The following CERS6 variants were observed in gnomAD, a reference collection of about 807,000 sequenced individuals.
CERS6 encodes the protein ceramide synthase 6, also known as LAG1 homolog, ceramide synthase 6.
Under a neutral mutation model 56.8 loss-of-function variants are expected in CERS6, and 26 were observed. The ratio of observed to expected loss-of-function variants is 0.46; its 90% CI spans 0.34 to 0.63. The LOEUF is 0.63. Ranked by LOEUF, CERS6 falls within the 30% of genes least tolerant of loss-of-function variation. CERS6 has a pLI of 0.01. For synonymous variants in CERS6, 164 were observed against 173.3 expected, an observed-to-expected ratio of 0.95 and a Z score of 0.42; for missense variants, 415 against 467.5, an observed-to-expected ratio of 0.89 and a Z score of 1.04.
intron 4 of CERS6, among the ~76,000 whole-genome samples, chr2:168,670,387 C>G (rs563053308): frequency 1.3e-5 from 2 of 152,246 alleles, no homozygotes; most frequent in African/African-American, 4.8e-5. Flanking sequence ...GTCTAATTAT[C>G]CCCATCCCAG....
intron 8 of CERS6, among the ~76,000 whole-genome samples, chr2:168,759,780 C>T (rs1000733709): frequency 3.9e-5 from 6 of 151,952 alleles, no homozygotes; most frequent in Admixed American, 1.3e-4. Flanking sequence ...TTTTGTGAAG[C>T]AAAAACAAAG....
intron 1 of CERS6, among the ~76,000 whole-genome samples, chr2:168,535,475 G>T (rs1034980061): frequency 1.3e-5 from 2 of 151,998 alleles, no homozygotes; most frequent in East Asian, 3.9e-4. Context: ...CAGGTGGGCC[G>T]CCATACCACA....
rs557762328 is a variant in CERS6 at position 168,669,220 on chromosome 2, C to G, written c.466-21814C>G. 3.3e-5 allele frequency among the ~76,000 whole-genome samples: 5 copies of G among 152,338 alleles called. No individual in the cohort carries two copies. The East Asian group carries it at 9.6e-4, about 29-fold the overall frequency. ...CAGCTTCTATCTTCCAGATTATTTC[C>G]TGGTGCAAGATGGCTGCTGGAACTC... On this transcript the variant is annotated intron_variant, in intron 4 of 9. Transcript: ENST00000305747.
intron 4 of CERS6, among the ~76,000 whole-genome samples, chr2:168,661,933 G>A (rs1043668604): frequency 3.3e-5 from 5 of 152,174 alleles, no homozygotes; most frequent in Admixed American, 3.3e-4. Context: ...ATAATTTTTA[G>A]ACAATTTATA....
At chr2:168,675,119 G>A (rs1399846012) in intron 4 of CERS6, among the ~76,000 whole-genome samples, 5 of 151,954 alleles carry the variant, frequency 3.3e-5, no homozygotes, top group South Asian at 2.1e-4. Flanking sequence ...GACTACAGGC[G>A]CACACCACCA....
At chr2:168,586,889 G>T (rs1240444064) in intron 3 of CERS6, among the ~76,000 whole-genome samples, 1 of 152,160 alleles carries the variant, frequency 6.6e-6, no homozygotes, top group Non-Finnish European at 1.5e-5. Flanking sequence ...TGTTTATTGA[G>T]GTCAGGCATG....
chr2:168,571,232 T>C (rs754060386), intron 3 of CERS6, among the ~76,000 whole-genome samples: 1 of 152,040 alleles, frequency 6.6e-6, no homozygotes, highest in Non-Finnish European at 1.5e-5. Flanking sequence ...CCCATTGTTA[T>C]AGGGGTAGGT....
intron 6 of CERS6, 50 bp downstream of exon 6, chr2:168,695,101 C>G (rs766034060): frequency 1.4e-6 from 2 of 1,452,508 alleles, no homozygotes; most frequent in Non-Finnish European, 1.9e-6. Flanking sequence ...TCTTTAATGG[C>G]CCTTAGCAGG....
At chr2:168,646,108 A>G (rs1443505803) in intron 4 of CERS6, among the ~76,000 whole-genome samples, 1 of 152,288 alleles carries the variant, frequency 6.6e-6, no homozygotes, top group East Asian at 1.9e-4. Context: ...TGTTTGAGGA[A>G]TTGCCATACT....
chr2:168,538,128 C>T (rs1342247863), intron 1 of CERS6, among the ~76,000 whole-genome samples: 1 of 152,076 alleles, frequency 6.6e-6, no homozygotes, highest in Non-Finnish European at 1.5e-5. Context: ...CTTGTTTTCC[C>T]CTTCTGTCTG....
At chr2:168,710,183 G>A (rs1307254217) in intron 6 of CERS6, among the ~76,000 whole-genome samples, 1 of 152,192 alleles carries the variant, frequency 6.6e-6, no homozygotes. Context: ...GAGCCGTGCT[G>A]TATTGGCAAG....
Position 168,456,653 on chromosome 2 carries a change from T to TGCGCACACACACGC in CERS6, c.170+46_170+59dup, listed in dbSNP as rs745477603. On this transcript the variant is annotated intron_variant, in intron 1 of 9. Coordinates refer to ENST00000305747, the MANE Select transcript of CERS6 (RefSeq NM_203463.3). This position sits in a 1 kb window ranked among gnomAD's most constrained non-coding sequence, Gnocchi z 4.1. ...GCTGAAGCCCCTCCTCCCCTCCCCC[T>TGCGCACACACACGC]GCGCACACACACGCGCGCACACACT... 23 of 1,476,326 alleles carry TGCGCACACACACGC rather than the reference T, an allele frequency of 1.6e-5. No individual in the cohort carries two copies. In the East Asian group the frequency reaches 2.5e-4, roughly 16 times the overall value. The allele number at this position is 1,476,326 out of a possible 1,614,324, so 91.5% of individuals were successfully genotyped here.
intron 8 of CERS6, among the ~76,000 whole-genome samples, chr2:168,744,535 A>G (rs1299955532): frequency 6.6e-6 from 1 of 152,238 alleles, no homozygotes; most frequent in Non-Finnish European, 1.5e-5. Flanking sequence ...AGCAGCTCTC[A>G]GTAAAGGAGG....
At chr2:168,603,297 C>A (rs1180908797) in intron 3 of CERS6, among the ~76,000 whole-genome samples, 1 of 152,178 alleles carries the variant, frequency 6.6e-6, no homozygotes, top group Non-Finnish European at 1.5e-5. Context: ...TGGAATAACC[C>A]TGAGTGACTT....
chr2:168,473,701 C>A (rs182653928), intron 1 of CERS6, among the ~76,000 whole-genome samples: 3 of 151,990 alleles, frequency 2.0e-5, no homozygotes, highest in Admixed American at 2.0e-4. Flanking sequence ...TGTCTATAGT[C>A]TCATTAGGAA....
intron 1 of CERS6, among the ~76,000 whole-genome samples, chr2:168,509,753 G>A (rs1210547219): frequency 3.9e-5 from 6 of 152,278 alleles, no homozygotes; most frequent in African/African-American, 9.6e-5. Context: ...CCAGACCAGC[G>A]GCTTTCTTTC....
chr2:168,592,325 G>A (rs909538406), intron 3 of CERS6, among the ~76,000 whole-genome samples: 11 of 152,144 alleles, frequency 7.2e-5, no homozygotes, highest in Admixed American at 2.6e-4. Flanking sequence ...GCCCAGGAAA[G>A]CACTGGAGAG....
intron 8 of CERS6, among the ~76,000 whole-genome samples, chr2:168,725,650 A>G (rs1683329944): frequency 6.6e-6 from 1 of 152,232 alleles, no homozygotes; most frequent in African/African-American, 2.4e-5. Context: ...TATTTATCAT[A>G]TACTTTTAAA....
intron 3 of CERS6, among the ~76,000 whole-genome samples, chr2:168,564,368 A>G (rs1198127141): frequency 2.0e-5 from 3 of 152,186 alleles, no homozygotes; most frequent in African/African-American, 4.8e-5. Flanking sequence ...TAAATTCGCC[A>G]TTATAGCCCA....
Sources: allele counts gnomAD v4.1 joint callset (sites outside exome capture counted in the v4.1 genomes callset), GRCh38; gene constraint gnomAD v4.1.1; non-coding constraint Gnocchi (gnomAD v3.1); transcripts MANE v1.5; gene names NCBI Gene and HGNC (gene_info 2026-07-23, HGNC 2026-07-21).